Variants in CLIP4 observed in about 807,000 individuals in gnomAD.
CLIP4 encodes CAP-Gly domain containing linker protein family member 4.
A neutral mutation model predicts 73.1 loss-of-function variants in CLIP4; 47 were observed. The ratio of observed to expected loss-of-function variants is 0.64; its 90% CI spans 0.51 to 0.82. The LOEUF is 0.82. Ranked by LOEUF, CLIP4 falls within the 40% of genes least tolerant of loss-of-function variation. The probability of loss-of-function intolerance (pLI) is 0.00; values close to 1 mark genes in which losing one functional copy is unlikely to be tolerated. For synonymous variants in CLIP4, 306 were observed against 295.4 expected (o/e 1.04, Z -0.37); for missense variants, 874 against 852.9 (o/e 1.02, Z -0.31).
chr2:29,138,929 G>A (rs1162771677), intron 6 of CLIP4, among the ~76,000 whole-genome samples: 1 of 151,826 alleles, frequency 6.6e-6, no homozygotes. Context: ...TCTACATATC[G>A]AACCATATTG....
intron 6 of CLIP4, among the ~76,000 whole-genome samples, chr2:29,138,743 A>G (rs1369965266): frequency 6.6e-6 from 1 of 151,740 alleles, no homozygotes; most frequent in Non-Finnish European, 1.5e-5. Context: ...TGGTATTTTT[A>G]TTATTATTTT....
chr2:29,108,584 A>G (rs1668299813), intron 1 of CLIP4, among the ~76,000 whole-genome samples: 1 of 152,232 alleles, frequency 6.6e-6, no homozygotes, highest in African/African-American at 2.4e-5. Flanking sequence ...AACTGCCGAT[A>G]AGAGAAGACT....
chr2:29,124,831 G>A (rs1664493887), intron 2 of CLIP4, among the ~76,000 whole-genome samples: 1 of 152,042 alleles, frequency 6.6e-6, no homozygotes, highest in African/African-American at 2.4e-5. Flanking sequence ...TTGGAATAGA[G>A]TTATATTGAC....
At position 29,182,591 on chromosome 2, in the gene CLIP4, G is replaced by A. The variant is rs1257122637; in HGVS notation, c.*698G>A. ...GAATAGACTGTGGGTCTCCTCACTT[G>A]TGGCCCAGTGCTCTTTCTGCTATAC... On this transcript the variant is annotated 3_prime_UTR_variant, in exon 16 of 16. Transcript: ENST00000320081. The A allele has an allele frequency of 2.6e-5, 4 of 152,474 alleles. No individual in the cohort carries two copies. Among genetic ancestry groups the A allele is most frequent in the African/African-American group, 9.7e-5 (4 of 41,420 alleles). 9.4% of individuals were successfully genotyped at this position (152,474 alleles called of 1,614,324 possible).
intron 14 of CLIP4, among the ~76,000 whole-genome samples, chr2:29,169,845 G>T (rs1164291288): frequency 6.6e-6 from 1 of 151,864 alleles, no homozygotes; most frequent in Non-Finnish European, 1.5e-5. Context: ...TTGAATACTA[G>T]AACTTATCCC....
intron 1 of CLIP4, among the ~76,000 whole-genome samples, chr2:29,098,131 G>T (rs960863570): frequency 1.3e-5 from 2 of 152,206 alleles, no homozygotes; most frequent in Admixed American, 1.3e-4. Context: ...GCAACCTTTT[G>T]TACGTAATGG....
Position 29,163,869 on chromosome 2 carries a change from A to G in CLIP4, c.1573A>G (p.Lys525Glu), listed in dbSNP as rs1667441017. Residue 525 changes from lysine to glutamate, a missense_variant, in exon 13 of 16, where the codon AAG becomes GAG. Coordinates refer to ENST00000320081, the MANE Select transcript of CLIP4 (RefSeq NM_024692.6). ...YGIELEKPHG[K>E]NDGSVGGVQY... is the part of the protein sequence containing the mutation. Reference sequence around the variant, plus strand: ...TATAGAGCTTGAAAAACCCCATGGCAAGAATGATGGTTCAGTTGGAGGTGT... The same window carrying G: ...TATAGAGCTTGAAAAACCCCATGGCGAGAATGATGGTTCAGTTGGAGGTGT... 6.2e-7 allele frequency: 1 copy of G among 1,613,698 alleles called. No individual in the cohort carries two copies. The highest frequency in any genetic ancestry group is 2.2e-5 in the East Asian group (1 of 44,860).
At chr2:29,155,405 TAC>T (rs10602734) in intron 9 of CLIP4, among the ~76,000 whole-genome samples, 106,726 of 151,004 alleles carry the variant, frequency 0.71, 38,308 homozygotes, top group East Asian at 0.96. Context: ...CCCAAGTGTA[TAC>T]ACACACACAC....
At chr2:29,132,295 TTAGA>T (rs1558529027) in intron 4 of CLIP4, 50 bp downstream of exon 4, 1 of 1,404,858 alleles carries the variant, frequency 7.1e-7, no homozygotes. Context: ...GCACTTGTGC[TTAGA>T]TAATCTATAT....
intron 11 of CLIP4, among the ~76,000 whole-genome samples, chr2:29,159,943 G>A (rs756058914): frequency 1.3e-5 from 2 of 152,242 alleles, no homozygotes; most frequent in Non-Finnish European, 2.9e-5. Context: ...AGTTGTGGCA[G>A]AGGTGGTATG....
chr2:29,158,503 G>A (rs1667082898), intron 11 of CLIP4, among the ~76,000 whole-genome samples: 1 of 152,104 alleles, frequency 6.6e-6, no homozygotes, highest in Non-Finnish European at 1.5e-5. Flanking sequence ...TGAGAAAGAG[G>A]ACCTTTCAAA....
chr2:29,101,602 G>A (rs925022366), intron 1 of CLIP4, among the ~76,000 whole-genome samples: 4 of 152,160 alleles, frequency 2.6e-5, no homozygotes, highest in South Asian at 2.1e-4. Flanking sequence ...CCCAGCCCAC[G>A]GACTCAAATG....
chr2:29,170,222 G>C (rs1667915294), intron 14 of CLIP4, among the ~76,000 whole-genome samples: 1 of 152,164 alleles, frequency 6.6e-6, no homozygotes, highest in Non-Finnish European at 1.5e-5. Context: ...AAACATGAGA[G>C]TGCAGCTATC....
intron 2 of CLIP4, among the ~76,000 whole-genome samples, chr2:29,127,913 C>T (rs910644056): frequency 6.6e-6 from 1 of 152,090 alleles, no homozygotes; most frequent in Non-Finnish European, 1.5e-5. Flanking sequence ...TATTTTATAA[C>T]ATTTGAAGAT....
In CLIP4 at chr2:29,135,737, A is replaced by G; in HGVS notation, c.648+71A>G. The G allele has an allele frequency of 3.7e-6, 4 of 1,079,222 alleles. No homozygotes were observed. The South Asian group carries it at 5.9e-5, about 16-fold the overall frequency. The allele number at this position is 1,079,222 out of a possible 1,614,324, so 66.9% of individuals were successfully genotyped here. ...ATCTTACTTTCTGGTAAAATGTTGA[A>G]TCTGAATGTTATTAATAGAAGAACT... On this transcript the variant is annotated intron_variant, in intron 6 of 15. Transcript: ENST00000320081.
At chr2:29,146,994 T>G (rs75521058) in intron 8 of CLIP4, among the ~76,000 whole-genome samples, 16,542 of 152,192 alleles carry the variant, frequency 0.11, 1,000 homozygotes, top group East Asian at 0.19. Context: ...TTAAAACTTT[T>G]TTTGTTTGTT....
At chr2:29,110,014 C>T (rs539834486) in intron 1 of CLIP4, among the ~76,000 whole-genome samples, 14 of 151,972 alleles carry the variant, frequency 9.2e-5, no homozygotes, top group South Asian at 8.3e-4. Context: ...GCTGAGATTG[C>T]GCCACTGCAT....
chr2:29,134,936 T>A (rs1442415872), intron 5 of CLIP4, among the ~76,000 whole-genome samples: 2 of 152,192 alleles, frequency 1.3e-5, no homozygotes, highest in African/African-American at 4.8e-5. Flanking sequence ...CTTTGAAAAT[T>A]CTGCTTTGTT....
chr2:29,159,092 C>G (rs1354403097), intron 11 of CLIP4, among the ~76,000 whole-genome samples: 1 of 152,152 alleles, frequency 6.6e-6, no homozygotes, highest in African/African-American at 2.4e-5. Flanking sequence ...GAGTTTGTAT[C>G]TTATTTTTCA....
Sources: allele counts gnomAD v4.1 joint callset (sites outside exome capture counted in the v4.1 genomes callset), GRCh38; gene constraint gnomAD v4.1.1; transcripts MANE v1.5; gene names NCBI Gene and HGNC (gene_info 2026-07-23, HGNC 2026-07-21).